Variants in LRRTM4 observed in about 807,000 individuals in gnomAD.
The protein encoded by LRRTM4 is leucine-rich repeat transmembrane neuronal protein 4.
A neutral mutation model predicts 47.6 loss-of-function variants in LRRTM4; 25 were observed. The ratio of observed to expected loss-of-function variants is 0.53; its 90% CI spans 0.38 to 0.73. The LOEUF (loss-of-function observed/expected upper bound fraction) is 0.73. LRRTM4 is among the 30% of genes least tolerant of loss of function. The pLI is 0.00. For missense variants in LRRTM4, 638 were observed against 713.4 expected (o/e 0.89, Z 1.20); for synonymous variants, 311 against 269.5 (o/e 1.15, Z -1.51).
intron 3 of LRRTM4, among the ~76,000 whole-genome samples, chr2:77,411,305 CTCTT>C (rs1347503936): frequency 4.6e-5 from 7 of 152,126 alleles, no homozygotes; most frequent in African/African-American, 1.7e-4. Context: ...ATTCAAGTCA[CTCTT>C]TCTTACATCT....
chr2:77,225,398 G>A (rs1281232425), intron 3 of LRRTM4, among the ~76,000 whole-genome samples: 1 of 149,260 alleles, frequency 6.7e-6, no homozygotes, highest in Non-Finnish European at 1.5e-5. Context: ...CATAACTAGT[G>A]TATGCGGATG....
At chr2:76,953,265 T>C (rs1675557429) in intron 3 of LRRTM4, among the ~76,000 whole-genome samples, 2 of 151,852 alleles carry the variant, frequency 1.3e-5, no homozygotes, top group South Asian at 4.1e-4. Context: ...TTCCAGACCT[T>C]TTCCCCCACA....
At chr2:76,862,337 T>A (rs1573225519) in intron 3 of LRRTM4, among the ~76,000 whole-genome samples, 2 of 152,282 alleles carry the variant, frequency 1.3e-5, no homozygotes, top group African/African-American at 4.8e-5. Flanking sequence ...CACAGCATCA[T>A]CAGAAAATGC....
At chr2:77,357,238 A>G (rs1193714979) in intron 3 of LRRTM4, among the ~76,000 whole-genome samples, 2 of 152,154 alleles carry the variant, frequency 1.3e-5, no homozygotes, top group African/African-American at 2.4e-5. Flanking sequence ...TTTGAAGAAG[A>G]AAAACAAACA....
intron 3 of LRRTM4, among the ~76,000 whole-genome samples, chr2:76,842,805 C>G (rs1298502647): frequency 6.6e-6 from 1 of 151,990 alleles, no homozygotes; most frequent in Non-Finnish European, 1.5e-5. Context: ...ATACATGTGC[C>G]ATAGTGTTTT....
At chr2:76,793,432 A>AGAATCAAGTATT (rs749809668) in intron 3 of LRRTM4, among the ~76,000 whole-genome samples, 101 of 152,290 alleles carry the variant, frequency 6.6e-4, no homozygotes, top group Non-Finnish European at 9.3e-4. Context: ...CCAAAGCAAA[A>AGAATCAAGTATT]GAATCAAGTA....
chr2:77,329,856 G>T (rs529444147), intron 3 of LRRTM4, among the ~76,000 whole-genome samples: 51 of 152,292 alleles, frequency 3.3e-4, no homozygotes, highest in African/African-American at 1.1e-3. Flanking sequence ...AATTCTTCCA[G>T]ATGGCCAAAC....
At chr2:77,085,701 T>C (rs192272176) in intron 3 of LRRTM4, among the ~76,000 whole-genome samples, 4 of 152,290 alleles carry the variant, frequency 2.6e-5, no homozygotes, top group South Asian at 2.1e-4. Flanking sequence ...AATCGAATCA[T>C]TGTCTCTTTC....
At chr2:76,873,132 A>G (rs1324705194) in intron 3 of LRRTM4, among the ~76,000 whole-genome samples, 1 of 152,178 alleles carries the variant, frequency 6.6e-6, no homozygotes, top group African/African-American at 2.4e-5. Flanking sequence ...ACTATACAGT[A>G]ATTTATGACA....
chr2:76,919,403 G>A (rs1674363701), intron 3 of LRRTM4, among the ~76,000 whole-genome samples: 1 of 152,066 alleles, frequency 6.6e-6, no homozygotes, highest in African/African-American at 2.4e-5. Flanking sequence ...AATATTCCAA[G>A]AGCTCAGAGT....
intron 3 of LRRTM4, among the ~76,000 whole-genome samples, chr2:77,147,159 A>G (rs1318734271): frequency 6.6e-6 from 1 of 152,188 alleles, no homozygotes; most frequent in Non-Finnish European, 1.5e-5. Context: ...GCTTAAAAGA[A>G]TGGTTTCAAT....
intron 3 of LRRTM4, among the ~76,000 whole-genome samples, chr2:76,901,420 A>G (rs1673627850): frequency 6.6e-6 from 1 of 152,142 alleles, no homozygotes; most frequent in Non-Finnish European, 1.5e-5. Flanking sequence ...CATGGTCTAT[A>G]TGTACCACAT....
At chr2:77,513,541 T>A (rs530738034) in intron 3 of LRRTM4, among the ~76,000 whole-genome samples, 3 of 152,112 alleles carry the variant, frequency 2.0e-5, no homozygotes, top group Non-Finnish European at 2.9e-5. Context: ...AATTTTAGAC[T>A]ACATAGATGT....
intron 3 of LRRTM4, among the ~76,000 whole-genome samples, chr2:76,785,904 G>A (rs563229479): frequency 1.3e-5 from 2 of 152,198 alleles, no homozygotes; most frequent in South Asian, 2.1e-4. Flanking sequence ...TGTGTAGGCC[G>A]ACCACAAACA....
At chr2:76,810,008 C>T (rs780799099) in intron 3 of LRRTM4, among the ~76,000 whole-genome samples, 1 of 152,170 alleles carries the variant, frequency 6.6e-6, no homozygotes, top group Non-Finnish European at 1.5e-5. Flanking sequence ...TTCTGCTTTA[C>T]ATTTCTTCAT....
rs10527679 is a variant in LRRTM4 at position 77,285,340 on chromosome 2, T to TTATATATATATATATATATATATATATA, written c.1551+232977_1551+232978insTATATATATATATATATATATATATATA. ...AAATTAATTCTACTCAGCATTAAATTTATATATATATATATATATATATGG... is the reference window on the plus strand; with the variant it reads ...AAATTAATTCTACTCAGCATTAAATTTATATATATATATATATATATATATATATATATATATATATATATATATATGG... On this transcript the variant is annotated intron_variant, in intron 3 of 3. Coordinates refer to ENST00000409884, the MANE Select transcript of LRRTM4 (RefSeq NM_001134745.3). Among the ~76,000 whole-genome samples, 24 of 82,602 alleles carry TTATATATATATATATATATATATATATA rather than the reference T, an allele frequency of 2.9e-4. 2 individuals carry two copies. Among genetic ancestry groups the TTATATATATATATATATATATATATATA allele is most frequent in the Admixed American group, 8.8e-4 (6 of 6,796 alleles). 54.2% of individuals were successfully genotyped at this position (82,602 alleles called of 152,430 possible). A position where few individuals can be genotyped will look rare whatever the true frequency, so the allele number is the denominator to read the frequency against.
intron 3 of LRRTM4, among the ~76,000 whole-genome samples, chr2:77,232,440 G>C (rs1674990845): frequency 6.6e-6 from 1 of 152,214 alleles, no homozygotes; most frequent in Non-Finnish European, 1.5e-5. Context: ...AAGCGCTACA[G>C]AGCATGATAC....
At chr2:77,033,841 G>A (rs1263126691) in intron 3 of LRRTM4, among the ~76,000 whole-genome samples, 2 of 151,724 alleles carry the variant, frequency 1.3e-5, no homozygotes, top group Non-Finnish European at 2.9e-5. Flanking sequence ...TTATAAAGGA[G>A]GAGATGGATT....
chr2:77,513,865 G>T (rs113080674), intron 3 of LRRTM4, among the ~76,000 whole-genome samples: 1 of 151,816 alleles, frequency 6.6e-6, no homozygotes, highest in African/African-American at 2.4e-5. Flanking sequence ...TGCACCTGAC[G>T]ATACTTATAA....
Sources: gnomAD v4.1 joint callset for allele counts (sites outside exome capture counted in the v4.1 genomes callset) on GRCh38, gnomAD v4.1.1 for gene constraint, MANE v1.5 for transcripts, NCBI Gene and HGNC (gene_info 2026-07-23, HGNC 2026-07-21) for gene names.